Variants in PKIB observed in about 807,000 individuals in gnomAD.
PKIB encodes PKI-beta.
A neutral mutation model predicts 4.5 loss-of-function variants in PKIB; 2 were observed. That is an observed-to-expected ratio of 0.44 (90% CI 0.18 to 1.39). The LOEUF (loss-of-function observed/expected upper bound fraction) is 1.39, where lower values mean the gene tolerates loss of function less well. Among genes scored for constraint, PKIB ranks in the 40% most tolerant of loss-of-function variants. PKIB has a pLI of 0.27. For synonymous variants in PKIB, 38 were observed against 36.0 expected, an observed-to-expected ratio of 1.06 and a Z score of -0.20; for missense variants, 94 against 92.6, an observed-to-expected ratio of 1.02 and a Z score of -0.06.
intron 2 of PKIB, among the ~76,000 whole-genome samples, chr6:122,571,205 A>G (rs1773357829): frequency 6.6e-6 from 1 of 152,190 alleles, no homozygotes; most frequent in African/African-American, 2.4e-5. Context: ...AAGATAAAGA[A>G]AAAAGAAGCA....
chr6:122,688,453 A>G (rs1778181093), intron 3 of PKIB, among the ~76,000 whole-genome samples: 1 of 152,098 alleles, frequency 6.6e-6, no homozygotes, highest in African/African-American at 2.4e-5. Context: ...GAATCAGGGT[A>G]ATATTGGCAT....
chr6:122,530,701 G>A (rs1777229455), intron 2 of PKIB, among the ~76,000 whole-genome samples: 1 of 152,120 alleles, frequency 6.6e-6, no homozygotes, highest in Non-Finnish European at 1.5e-5. Context: ...TCTGTTTTCA[G>A]CAGCTTCTAA....
chr6:122,721,268 A>G (rs978394963), intron 4 of PKIB, among the ~76,000 whole-genome samples: 2 of 152,196 alleles, frequency 1.3e-5, no homozygotes, highest in African/African-American at 2.4e-5. Flanking sequence ...CAAAGCCTTC[A>G]TCTTTCCCAT....
intron 2 of PKIB, among the ~76,000 whole-genome samples, chr6:122,491,535 A>G (rs1027629727): frequency 2.7e-4 from 41 of 152,126 alleles, no homozygotes; most frequent in African/African-American, 9.9e-4. Flanking sequence ...CTACTGTAAA[A>G]ATTAGTCATT....
At chr6:122,719,145 G>A (rs183702088) in intron 4 of PKIB, among the ~76,000 whole-genome samples, 27 of 152,112 alleles carry the variant, frequency 1.8e-4, no homozygotes, top group East Asian at 3.9e-4. Flanking sequence ...TTACTTGTTC[G>A]TGTAAAAACC....
At chr6:122,715,610 A>G (rs1562317015) in intron 3 of PKIB, among the ~76,000 whole-genome samples, 1 of 150,280 alleles carries the variant, frequency 6.7e-6, no homozygotes, top group Non-Finnish European at 1.5e-5. Flanking sequence ...TATATATATG[A>G]AGAGAGAGAG....
intron 2 of PKIB, among the ~76,000 whole-genome samples, chr6:122,641,895 A>G (rs1293346678): frequency 1.3e-5 from 2 of 151,958 alleles, no homozygotes; most frequent in Non-Finnish European, 2.9e-5. Context: ...GTTTCACCAT[A>G]TTGGCCAGGC....
chr6:122,485,118 T>C (rs546009273), intron 2 of PKIB, among the ~76,000 whole-genome samples: 1 of 152,318 alleles, frequency 6.6e-6, no homozygotes, highest in African/African-American at 2.4e-5. Flanking sequence ...ATGCTGTGAT[T>C]CTGGGGGCTG....
chr6:122,593,223 G>A (rs1322920163), intron 3 of PKIB, among the ~76,000 whole-genome samples: 1 of 152,158 alleles, frequency 6.6e-6, no homozygotes, highest in Non-Finnish European at 1.5e-5. Flanking sequence ...ATGTACCTGT[G>A]CTTTTTAACT....
chr6:122,692,826 T>C (rs1305006345), intron 3 of PKIB, among the ~76,000 whole-genome samples: 1 of 152,268 alleles, frequency 6.6e-6, no homozygotes, highest in Non-Finnish European at 1.5e-5. Flanking sequence ...TACCTTATTT[T>C]AGATTAAAAA....
chr6:122,654,757 C>T (rs558428576), intron 2 of PKIB, among the ~76,000 whole-genome samples: 1 of 152,214 alleles, frequency 6.6e-6, no homozygotes, highest in African/African-American at 2.4e-5. Context: ...ATATATTACA[C>T]TAGATTTCTA....
chr6:122,595,789 G>A (rs542010090), intron 3 of PKIB, among the ~76,000 whole-genome samples: 2 of 152,264 alleles, frequency 1.3e-5, no homozygotes, highest in East Asian at 1.9e-4. Context: ...TGCCACTATG[G>A]CCACTTTGTT....
chr6:122,485,658 A>AAG (rs35043353), intron 2 of PKIB, among the ~76,000 whole-genome samples: 21,132 of 152,142 alleles, frequency 0.14, 1,558 homozygotes, highest in East Asian at 0.26. Flanking sequence ...TCAAAACTAG[A>AAG]AGAGTAGAAT....
intron 3 of PKIB, 76 bp from the exon 4 acceptor site, chr6:122,717,711 C>T: frequency 1.4e-6 from 2 of 1,423,284 alleles, no homozygotes; most frequent in Non-Finnish European, 1.9e-6. Flanking sequence ...TTGATCTAGC[C>T]ATGCCTTTCA....
chr6:122,610,256 C>T (rs1774691037), upstream of PKIB: 1 of 152,258 alleles, frequency 6.6e-6, no homozygotes, highest in African/African-American at 2.4e-5. Flanking sequence ...TGGCACGTGC[C>T]CCGGGGAGTG....
intron 2 of PKIB, among the ~76,000 whole-genome samples, chr6:122,657,289 C>T (rs1220424796): frequency 2.0e-5 from 3 of 152,204 alleles, no homozygotes; most frequent in South Asian, 2.1e-4. Flanking sequence ...AATTGCTACT[C>T]ATGGCTACAT....
At chr6:122,607,591 C>G (rs1413765367), upstream of PKIB, among the ~76,000 whole-genome samples, 1 of 152,190 alleles carries the variant, frequency 6.6e-6, no homozygotes, top group Non-Finnish European at 1.5e-5. Flanking sequence ...TACCTCCCAC[C>G]TCTTAACTAC....
chr6:122,647,994 G>A (rs1307471086), intron 2 of PKIB, among the ~76,000 whole-genome samples: 1 of 152,220 alleles, frequency 6.6e-6, no homozygotes, highest in Non-Finnish European at 1.5e-5. Flanking sequence ...GATGCCCTCA[G>A]GGATCTCCTG....
chr6:122,520,665 A>ACC (rs10650320), intron 2 of PKIB, among the ~76,000 whole-genome samples: 8,275 of 107,634 alleles, frequency 0.077, 219 homozygotes, highest in Middle Eastern at 0.13. Context: ...TTATGTTCCC[A>ACC]CCCCCCCCCC....
Sources: gnomAD v4.1 joint callset for allele counts (sites outside exome capture counted in the v4.1 genomes callset) on GRCh38, gnomAD v4.1.1 for gene constraint, MANE v1.5 for transcripts, NCBI Gene and HGNC (gene_info 2026-07-23, HGNC 2026-07-21) for gene names.